Variants in KCNQ3 observed in about 807,000 individuals in gnomAD.
KCNQ3 encodes potassium voltage-gated channel subfamily KQT member 3.
KCNQ3 carries 30 observed loss-of-function variants against 92.5 expected under a neutral mutation model. The ratio of observed to expected loss-of-function variants is 0.32; its 90% CI spans 0.24 to 0.44. The LOEUF (loss-of-function observed/expected upper bound fraction) is 0.44, where lower values mean the gene tolerates loss of function less well. Among genes scored for constraint, KCNQ3 ranks in the 20% least tolerant of loss-of-function variants. The probability of loss-of-function intolerance (pLI) is 1.00; values close to 1 mark genes in which losing one functional copy is unlikely to be tolerated. For missense variants in KCNQ3, 913 were observed against 1,140.3 expected (o/e 0.80, Z 2.87); for synonymous variants, 450 against 468.8 (o/e 0.96, Z 0.52).
At chr8:132,428,312 T>G (rs566306196) in intron 1 of KCNQ3, among the ~76,000 whole-genome samples, 1 of 152,348 alleles carries the variant, frequency 6.6e-6, no homozygotes, top group East Asian at 1.9e-4. Context: ...CTTAAAGAAG[T>G]CTTTTCCAAC....
chr8:132,352,556 C>T (rs981624733), intron 1 of KCNQ3, among the ~76,000 whole-genome samples: 3 of 152,154 alleles, frequency 2.0e-5, no homozygotes, highest in African/African-American at 4.8e-5. Flanking sequence ...CTGTGGGCAC[C>T]CTGGCACCAC....
At chr8:132,399,768 G>A (rs1820287822) in intron 1 of KCNQ3, among the ~76,000 whole-genome samples, 1 of 152,158 alleles carries the variant, frequency 6.6e-6, no homozygotes, top group African/African-American at 2.4e-5. Flanking sequence ...GTCCCAGGTG[G>A]CCACATCTTT....
intron 1 of KCNQ3, among the ~76,000 whole-genome samples, chr8:132,366,682 T>C (rs1311982027): frequency 1.3e-5 from 2 of 152,210 alleles, no homozygotes; most frequent in Admixed American, 1.3e-4. Context: ...AAATCTATAT[T>C]GAATTTTGCC....
intron 1 of KCNQ3, among the ~76,000 whole-genome samples, chr8:132,191,421 G>A (rs1204571546): frequency 3.9e-5 from 6 of 152,028 alleles, no homozygotes; most frequent in Middle Eastern, 3.4e-3. Context: ...ACCTCTCAAA[G>A]TATGGAGATC....
chr8:132,328,506 C>T (rs1165476704), intron 1 of KCNQ3, among the ~76,000 whole-genome samples: 3 of 152,156 alleles, frequency 2.0e-5, no homozygotes, highest in Non-Finnish European at 4.4e-5. Context: ...GCTGGGTGAA[C>T]ACGCCCAAGT....
At chr8:132,259,649 T>C (rs1422024394) in intron 1 of KCNQ3, among the ~76,000 whole-genome samples, 2 of 152,082 alleles carry the variant, frequency 1.3e-5, no homozygotes, top group African/African-American at 4.8e-5. Context: ...GAAGTTCTAT[T>C]CAGGACAATG....
intron 1 of KCNQ3, among the ~76,000 whole-genome samples, chr8:132,339,798 A>G (rs1248265830): frequency 6.6e-6 from 1 of 152,246 alleles, no homozygotes. Context: ...AGCTTCCCCC[A>G]TTCCCCAAAG....
intron 9 of KCNQ3, among the ~76,000 whole-genome samples, chr8:132,159,951 A>G (rs999519802): frequency 6.6e-6 from 1 of 152,234 alleles, no homozygotes; most frequent in African/African-American, 2.4e-5. Context: ...GCTCTGTTCC[A>G]GGCACTGTGT....
At chr8:132,274,561 C>T (rs1043796407) in intron 1 of KCNQ3, among the ~76,000 whole-genome samples, 2 of 152,148 alleles carry the variant, frequency 1.3e-5, no homozygotes, top group African/African-American at 4.8e-5. Context: ...ATATAGTGCT[C>T]CCCTCCTTGA....
intron 1 of KCNQ3, among the ~76,000 whole-genome samples, chr8:132,402,180 G>A (rs1563896836): frequency 6.6e-6 from 1 of 152,224 alleles, no homozygotes; most frequent in East Asian, 1.9e-4. Context: ...ACTGTGAGGG[G>A]CCACAGCACT....
intron 7 of KCNQ3, 80 bp from the exon 8 acceptor site, chr8:132,170,508 T>C (rs764957785): frequency 9.1e-6 from 8 of 881,590 alleles, no homozygotes; most frequent in Admixed American, 1.8e-5. Flanking sequence ...AACAAAACAA[T>C]GTTTAAGCCC....
intron 3 of KCNQ3, among the ~76,000 whole-genome samples, chr8:132,181,286 T>C (rs1826763708): frequency 6.6e-6 from 1 of 152,176 alleles, no homozygotes; most frequent in Non-Finnish European, 1.5e-5. Flanking sequence ...TCACCCCACT[T>C]TCCTGCAGAG....
intron 3 of KCNQ3, among the ~76,000 whole-genome samples, chr8:132,180,846 A>C (rs1463512488): frequency 6.6e-6 from 1 of 151,478 alleles, no homozygotes; most frequent in East Asian, 1.9e-4. Context: ...AAAAAAAAAA[A>C]AAAACCAATG....
At chr8:132,267,864 C>G (rs1162295800) in intron 1 of KCNQ3, among the ~76,000 whole-genome samples, 1 of 152,152 alleles carries the variant, frequency 6.6e-6, no homozygotes, top group East Asian at 1.9e-4. Flanking sequence ...ACATGCATAG[C>G]CTCCCCCATT....
intron 14 of KCNQ3, among the ~76,000 whole-genome samples, chr8:132,130,411 A>C (rs190215449): frequency 6.6e-6 from 1 of 152,304 alleles, no homozygotes; most frequent in Admixed American, 6.5e-5. Flanking sequence ...TTTACTTTTC[A>C]GAAGGGAAGA....
At chr8:132,269,539 T>C (rs756027633) in intron 1 of KCNQ3, among the ~76,000 whole-genome samples, 20 of 152,140 alleles carry the variant, frequency 1.3e-4, no homozygotes, top group Non-Finnish European at 2.4e-4. Flanking sequence ...GATTTTGGTG[T>C]ATTTAGTCTA....
rs1827316249 is a variant in KCNQ3 at position 132,196,955 on chromosome 8, G to A, written c.387-10774C>T. On this transcript the variant is annotated intron_variant, in intron 1 of 14. Coordinates refer to ENST00000388996, the MANE Select transcript of KCNQ3 (RefSeq NM_004519.4). The stretch of plus-strand genomic sequence containing the variant: ...TACTGATATGTCTTAACTATTGCAA[G>A]AGTGAATTTTAGCTTAGATGGGTGA... Among the ~76,000 whole-genome samples the A allele has an allele frequency of 2.6e-5, 4 of 151,802 alleles. No individual in the cohort carries two copies. The South Asian group carries it at 8.3e-4, about 31-fold the overall frequency.
chr8:132,380,198 G>A (rs900270509), intron 1 of KCNQ3, among the ~76,000 whole-genome samples: 1 of 152,164 alleles, frequency 6.6e-6, no homozygotes, highest in Admixed American at 6.5e-5. Flanking sequence ...GGGTACAGAA[G>A]TGAAACCACT....
rs1385589987 is a variant in KCNQ3 at position 132,448,435 on chromosome 8, G to A, written c.386+31712C>T. On this transcript the variant is annotated intron_variant, in intron 1 of 14. Coordinates refer to ENST00000388996, the MANE Select transcript of KCNQ3 (RefSeq NM_004519.4). ...GAGTTCAAAAGCAAACGTCATGTAG[G>A]CGTAGGTCTCTCCAGGGCTTTCCCA... Among the ~76,000 whole-genome samples the A allele has an allele frequency of 8.0e-5, 12 of 150,216 alleles. No homozygotes were observed. In the East Asian group the frequency reaches 2.4e-3, roughly 29 times the overall value.
Sources: gnomAD v4.1 joint callset for allele counts (sites outside exome capture counted in the v4.1 genomes callset) on GRCh38, gnomAD v4.1.1 for gene constraint, MANE v1.5 for transcripts, NCBI Gene and HGNC (gene_info 2026-07-23, HGNC 2026-07-21) for gene names.